CNTNAP2: variants seen among roughly 807,000 people sequenced by gnomAD.
The protein encoded by CNTNAP2 is contactin-associated protein-like 2.
In CNTNAP2, 98 loss-of-function variants were observed where a neutral mutation model predicts 155.2. That is an observed-to-expected ratio of 0.63 (90% CI 0.54 to 0.75). CNTNAP2 has a LOEUF of 0.75. Ranked by LOEUF, CNTNAP2 falls within the 30% of genes least tolerant of loss-of-function variation. The pLI is 0.00. For missense variants in CNTNAP2, 1,727 were observed against 1,688.1 expected (o/e 1.02, Z -0.40); for synonymous variants, 651 against 631.2 (o/e 1.03, Z -0.47).
intron 1 of CNTNAP2, among the ~76,000 whole-genome samples, chr7:146,550,202 A>T (rs1380535827): frequency 2.0e-5 from 3 of 151,928 alleles, no homozygotes; most frequent in African/African-American, 7.3e-5. Flanking sequence ...GGCCAATAGA[A>T]ATGAGTTGTG....
At chr7:148,184,502 G>A (rs1439568761) in intron 18 of CNTNAP2, among the ~76,000 whole-genome samples, 3 of 152,228 alleles carry the variant, frequency 2.0e-5, no homozygotes, top group African/African-American at 7.2e-5. Context: ...TTCTCCCTAG[G>A]GAGTTGGGTC....
At chr7:148,390,754 A>C (rs1427859908) in intron 22 of CNTNAP2, among the ~76,000 whole-genome samples, 2 of 152,200 alleles carry the variant, frequency 1.3e-5, no homozygotes, top group Admixed American at 6.5e-5. Flanking sequence ...CTTTAGTAAT[A>C]AGATTCTTTT....
At chr7:148,147,830 G>T (rs1301204282) in intron 17 of CNTNAP2, 121 bp downstream of exon 17, 9 of 992,672 alleles carry the variant, frequency 9.1e-6, no homozygotes, top group Middle Eastern at 3.2e-4. Context: ...CAAAAGTAAA[G>T]GTGTTGGCCT....
chr7:148,307,580 G>A (rs1797511398), intron 21 of CNTNAP2, among the ~76,000 whole-genome samples: 1 of 151,936 alleles, frequency 6.6e-6, no homozygotes, highest in African/African-American at 2.4e-5. Context: ...CCCTTTTCAC[G>A]GGCTTTATGA....
intron 1 of CNTNAP2, among the ~76,000 whole-genome samples, chr7:146,487,733 A>C (rs1430444633): frequency 6.6e-6 from 1 of 152,206 alleles, no homozygotes; most frequent in East Asian, 1.9e-4. Flanking sequence ...CTGTACTAAC[A>C]CAGGTAATGA....
intron 13 of CNTNAP2, among the ~76,000 whole-genome samples, chr7:147,752,842 GTGTTTTTGTGT>G (rs1379042880): frequency 1.2e-4 from 18 of 152,252 alleles, no homozygotes; most frequent in Non-Finnish European, 2.4e-4. Flanking sequence ...TGCTATACTG[GTGTTTTTGTGT>G]CATGGAAAAC....
At chr7:146,850,788 A>AC (rs1794864712) in intron 3 of CNTNAP2, among the ~76,000 whole-genome samples, 2 of 150,910 alleles carry the variant, frequency 1.3e-5, no homozygotes, top group Non-Finnish European at 2.9e-5. Flanking sequence ...ACAAATAAAA[A>AC]TAAAAAAAAC....
At chr7:147,010,199 A>G (rs1224790603) in intron 3 of CNTNAP2, among the ~76,000 whole-genome samples, 1 of 151,602 alleles carries the variant, frequency 6.6e-6, no homozygotes, top group Non-Finnish European at 1.5e-5. Context: ...TAATAGAGAC[A>G]CGGTTTCCCC....
chr7:147,772,483 T>TATAC (rs1491170896), intron 13 of CNTNAP2, among the ~76,000 whole-genome samples: 90 of 90,232 alleles, frequency 1.0e-3, no homozygotes, highest in Admixed American at 2.8e-3. Flanking sequence ...TATATATATA[T>TATAC]ACACACACAA....
intron 1 of CNTNAP2, among the ~76,000 whole-genome samples, chr7:146,460,398 C>T (rs763695395): frequency 4.7e-4 from 71 of 152,060 alleles, no homozygotes; most frequent in Admixed American, 2.6e-3. Context: ...AATAGAACTA[C>T]TCTATGATCT....
intron 3 of CNTNAP2, among the ~76,000 whole-genome samples, chr7:146,903,824 G>T (rs2129214350): frequency 6.6e-6 from 1 of 152,222 alleles, no homozygotes; most frequent in East Asian, 1.9e-4. Context: ...ACTGCCATTA[G>T]TAATAATGTA....
At chr7:148,191,290 C>G (rs1319284740) in intron 18 of CNTNAP2, among the ~76,000 whole-genome samples, 3 of 152,108 alleles carry the variant, frequency 2.0e-5, no homozygotes, top group Non-Finnish European at 2.9e-5. Flanking sequence ...CCTCTTTCCT[C>G]TGTCTTCTCC....
intron 14 of CNTNAP2, among the ~76,000 whole-genome samples, chr7:147,943,627 G>A (rs912427886): frequency 6.6e-6 from 1 of 151,818 alleles, no homozygotes; most frequent in Non-Finnish European, 1.5e-5. Flanking sequence ...ACATTATCTG[G>A]GCGTGGTGGC....
chr7:146,682,940 A>G (rs575689677), intron 1 of CNTNAP2, among the ~76,000 whole-genome samples: 36 of 152,330 alleles, frequency 2.4e-4, no homozygotes, highest in South Asian at 4.1e-4. Context: ...TTATGAATAC[A>G]TACTACTGAC....
At chr7:147,598,360 G>A (rs1432001056) in intron 12 of CNTNAP2, among the ~76,000 whole-genome samples, 1 of 152,056 alleles carries the variant, frequency 6.6e-6, no homozygotes, top group African/African-American at 2.4e-5. Context: ...AGGCCCTGGT[G>A]TGTGATGTTC....
At chr7:147,548,433 G>A (rs1024493458) in intron 11 of CNTNAP2, among the ~76,000 whole-genome samples, 1 of 151,972 alleles carries the variant, frequency 6.6e-6, no homozygotes, top group African/African-American at 2.4e-5. Flanking sequence ...CATATTATTT[G>A]CCCACTTTTT....
chr7:147,377,871 T>A (rs1796464483), intron 9 of CNTNAP2: 1 of 365,028 alleles, frequency 2.7e-6, no homozygotes, highest in South Asian at 2.2e-5. Flanking sequence ...TGTTATAGCA[T>A]GCTGTGTTTA....
At chr7:147,478,659 A>G (rs1435156811) in intron 10 of CNTNAP2, among the ~76,000 whole-genome samples, 1 of 152,156 alleles carries the variant, frequency 6.6e-6, no homozygotes, top group Non-Finnish European at 1.5e-5. Context: ...GAAGGACAAA[A>G]AAGGAGAAAT....
Position 146,373,905 on chromosome 7 carries a change from G to A in CNTNAP2, c.97+256932G>A, listed in dbSNP as rs541585026. Among the ~76,000 whole-genome samples, 3 of 152,202 alleles carry A rather than the reference G, an allele frequency of 2.0e-5. No individual in the cohort carries two copies. In the South Asian group the frequency reaches 6.2e-4, roughly 32 times the overall value. On this transcript the variant is annotated intron_variant, in intron 1 of 23. Coordinates refer to ENST00000361727, the MANE Select transcript of CNTNAP2 (RefSeq NM_014141.6). ...TCTTTCAAAAAGTTGAAGAAAAATA[G>A]TTTTTAATCACATTCCTAAACAGGT...
Sources: gnomAD v4.1 joint callset for allele counts (sites outside exome capture counted in the v4.1 genomes callset) on GRCh38, gnomAD v4.1.1 for gene constraint, MANE v1.5 for transcripts, NCBI Gene and HGNC (gene_info 2026-07-23, HGNC 2026-07-21) for gene names.